RECK: variants seen among roughly 807,000 people sequenced by gnomAD.
RECK encodes the protein reversion-inducing cysteine-rich protein with Kazal motifs.
RECK carries 69 observed loss-of-function variants against 115.1 expected under a neutral mutation model. The ratio of observed to expected loss-of-function variants is 0.60; its 90% CI spans 0.49 to 0.73. RECK has a LOEUF of 0.73. RECK is among the 30% of genes least tolerant of loss of function. The probability of loss-of-function intolerance (pLI) is 0.00; values close to 1 mark genes in which losing one functional copy is unlikely to be tolerated. For synonymous variants in RECK, 414 were observed against 419.7 expected (o/e 0.99, Z 0.17); for missense variants, 1,047 against 1,203.7 (o/e 0.87, Z 1.93).
intron 6 of RECK, among the ~76,000 whole-genome samples, chr9:36,068,264 G>A (rs891698467): frequency 6.6e-6 from 1 of 152,156 alleles, no homozygotes; most frequent in Non-Finnish European, 1.5e-5. Flanking sequence ...TAGTAATAGA[G>A]TCAAATATTC....
At position 36,112,299 on chromosome 9, in the gene RECK, C is replaced by T. The variant is rs1401150201; in HGVS notation, c.1889-6C>T. 1.9e-6 allele frequency: 3 copies of T among 1,612,554 alleles called. No individual in the cohort carries two copies. The East Asian group carries it at 6.7e-5, about 36-fold the overall frequency. Reference sequence around the variant, plus strand: ...ACATATTTTTGAGGCTGTTTCCTCTCCTCAGGTCTGCCCTGTAACTGTGCA... The same window carrying T: ...ACATATTTTTGAGGCTGTTTCCTCTTCTCAGGTCTGCCCTGTAACTGTGCA... On this transcript the variant is annotated splice_region_variant and splice_polypyrimidine_tract_variant and intron_variant, in intron 15 of 20. Coordinates refer to ENST00000377966, the MANE Select transcript of RECK (RefSeq NM_021111.3).
intron 15 of RECK, among the ~76,000 whole-genome samples, chr9:36,110,575 G>C (rs996024644): frequency 6.6e-6 from 1 of 152,164 alleles, no homozygotes; most frequent in Non-Finnish European, 1.5e-5. Flanking sequence ...ACATAAATAA[G>C]TGAAAAGGCT....
At chr9:36,071,313 A>G (rs1339004367) in intron 6 of RECK, among the ~76,000 whole-genome samples, 1 of 152,230 alleles carries the variant, frequency 6.6e-6, no homozygotes, top group Non-Finnish European at 1.5e-5. Flanking sequence ...AATAAGCTTC[A>G]TTAAGGTAAT....
chr9:36,107,478 G>A (rs952211557), intron 13 of RECK, among the ~76,000 whole-genome samples: 19 of 151,732 alleles, frequency 1.3e-4, no homozygotes, highest in African/African-American at 4.4e-4. Context: ...GGTGGCACAC[G>A]CCTGTAGTCC....
chr9:36,089,027 A>T (rs903648933), intron 9 of RECK, among the ~76,000 whole-genome samples: 39 of 152,278 alleles, frequency 2.6e-4, no homozygotes, highest in Non-Finnish European at 4.0e-4. Flanking sequence ...GTCTCAAAAT[A>T]AATTAATTAA....
At chr9:36,088,937 CT>C (rs1464279215) in intron 9 of RECK, among the ~76,000 whole-genome samples, 3 of 152,188 alleles carry the variant, frequency 2.0e-5, no homozygotes, top group Non-Finnish European at 4.4e-5. Context: ...AGAAGAATCA[CT>C]TGGACCTGGG....
At position 36,117,106 on chromosome 9, in the gene RECK, C is replaced by G; in HGVS notation, c.2182C>G (p.His728Asp). Reference sequence around the variant, plus strand: ...CCAAGATCCTGTTTGTGACACAGACCACATGGAGCACAACAATCTCTGCAC... The same window carrying G: ...CCAAGATCCTGTTTGTGACACAGACGACATGGAGCACAACAATCTCTGCAC... ...QVQDPVCDTDHMEHNNLCTLY... is the reference protein window; with the variant it reads ...QVQDPVCDTDDMEHNNLCTLY... Residue 728 changes from histidine (H) to aspartate (D), a missense_variant, in exon 17 of 21, where the codon CAC becomes GAC. By Grantham distance (81) the His-to-Asp change is moderately conservative. Coordinates refer to ENST00000377966, the MANE Select transcript of RECK (RefSeq NM_021111.3). The G allele has an allele frequency of 6.2e-7, 1 of 1,614,094 alleles. No individual in the cohort carries two copies. The highest frequency in any genetic ancestry group is 8.5e-7 in the Non-Finnish European group (1 of 1,179,976).
intron 12 of RECK, among the ~76,000 whole-genome samples, chr9:36,102,783 G>A (rs941100460): frequency 6.6e-6 from 1 of 151,636 alleles, no homozygotes. Flanking sequence ...GTGAGACCCC[G>A]TCTCTACTAA....
At chr9:36,109,775 C>A (rs916996579) in intron 14 of RECK, among the ~76,000 whole-genome samples, 182 bp from the exon 15 acceptor site, 1 of 151,032 alleles carries the variant, frequency 6.6e-6, no homozygotes, top group African/African-American at 2.4e-5. Context: ...GCCCGGGAAG[C>A]GGAGGTTGCA....
At chr9:36,043,737 A>C (rs1320998200) in intron 1 of RECK, among the ~76,000 whole-genome samples, 2 of 152,136 alleles carry the variant, frequency 1.3e-5, no homozygotes, top group Non-Finnish European at 2.9e-5. Flanking sequence ...TTCTACATAC[A>C]GTTTGCCAAT....
chr9:36,065,722 C>T (rs1300014450), intron 6 of RECK, 98 bp downstream of exon 6: 4 of 993,532 alleles, frequency 4.0e-6, no homozygotes. Context: ...TTTTATACAA[C>T]TTCCCTTTTA....
chr9:36,115,482 C>CT (rs572192977), intron 16 of RECK, among the ~76,000 whole-genome samples: 13 of 151,816 alleles, frequency 8.6e-5, no homozygotes, highest in Non-Finnish European at 1.8e-4. Context: ...GATTCTCAAC[C>CT]TTTTTTTTAT....
intron 15 of RECK, among the ~76,000 whole-genome samples, chr9:36,112,048 G>C (rs2132666316): frequency 6.7e-6 from 1 of 150,196 alleles, no homozygotes. Flanking sequence ...GCGTGAACCT[G>C]GGAGGCAGAG....
At chr9:36,083,253 A>G in intron 7 of RECK, 112 bp from the exon 8 acceptor site, 1 of 1,126,820 alleles carries the variant, frequency 8.9e-7, no homozygotes, top group East Asian at 2.4e-5. Flanking sequence ...CGTCTGTGGC[A>G]TGGTTTTATT....
At chr9:36,104,888 G>C (rs1356980928) in intron 12 of RECK, among the ~76,000 whole-genome samples, 5 of 151,882 alleles carry the variant, frequency 3.3e-5, no homozygotes, top group African/African-American at 1.2e-4. Context: ...GTTCATCACT[G>C]TATCTCCAGC....
chr9:36,117,711 G>A (rs181090586), intron 17 of RECK, among the ~76,000 whole-genome samples: 18 of 152,288 alleles, frequency 1.2e-4, no homozygotes, highest in African/African-American at 3.8e-4. Flanking sequence ...GGCCGGGCGC[G>A]GTGGCTCACG....
At position 36,123,071 on chromosome 9, in the gene RECK, C is replaced by T. The variant is rs199717555; in HGVS notation, c.*26C>T. 7 of 1,564,676 alleles carry T rather than the reference C, an allele frequency of 4.5e-6. No individual in the cohort carries two copies. The highest frequency in any genetic ancestry group is 1.7e-4 in the Middle Eastern group (1 of 5,910). On this transcript the variant is annotated 3_prime_UTR_variant, in exon 21 of 21. Coordinates refer to ENST00000377966, the MANE Select transcript of RECK (RefSeq NM_021111.3). ...CTGCCCACGGAAAGTGCAGAATGCT[C>T]CTCCACCTCACTCTCCTGCCTTGAA...
rs143378475 is a variant in RECK at position 36,056,401 on chromosome 9, A to T, written c.160-2426A>T. Among the ~76,000 whole-genome samples the T allele has an allele frequency of 2.7e-3, 412 of 152,298 alleles. 3 individuals carry two copies. The highest frequency in any genetic ancestry group is 0.014 in the Middle Eastern group (4 of 294). On this transcript the variant is annotated intron_variant, in intron 2 of 20. Coordinates refer to ENST00000377966, the MANE Select transcript of RECK (RefSeq NM_021111.3). The stretch of plus-strand genomic sequence containing the variant: ...GCAGTTGGTTATATGTTTTTTAAAT[A>T]TCTTTTGATCTGTAGGTTTCTCCTT...
chr9:36,060,614 T>A (rs2132581268), intron 4 of RECK, among the ~76,000 whole-genome samples: 1 of 152,178 alleles, frequency 6.6e-6, no homozygotes, highest in Middle Eastern at 3.4e-3. Flanking sequence ...ACTACCTCCT[T>A]ATGACTCCAC....
Sources: allele counts gnomAD v4.1 joint callset (sites outside exome capture counted in the v4.1 genomes callset), GRCh38; gene constraint gnomAD v4.1.1; transcripts MANE v1.5; gene names NCBI Gene and HGNC (gene_info 2026-07-23, HGNC 2026-07-21).